Variants in MYO3B observed in about 807,000 individuals in gnomAD.
The protein encoded by MYO3B is myosin-IIIb.
MYO3B carries 156 observed loss-of-function variants against 174.6 expected under a neutral mutation model. The ratio of observed to expected loss-of-function variants is 0.89; its 90% CI spans 0.78 to 1.02. MYO3B has a LOEUF of 1.02. MYO3B is among the 50% of genes least tolerant of loss of function. The pLI, the probability that MYO3B is intolerant of heterozygous loss-of-function variation, is 0.00. For missense variants in MYO3B, 1,632 were observed against 1,639.4 expected (o/e 1.00, Z 0.08); for synonymous variants, 563 against 569.1 (o/e 0.99, Z 0.15).
chr2:170,602,210 T>G, intron 32 of MYO3B: 1 of 1,187,954 alleles, frequency 8.4e-7, no homozygotes, highest in Non-Finnish European at 1.2e-6. Context: ...CTCGGCTTCT[T>G]AGGGTCTCCT....
intron 22 of MYO3B, among the ~76,000 whole-genome samples, chr2:170,440,031 G>A (rs2094787739): frequency 6.6e-6 from 1 of 152,140 alleles, no homozygotes; most frequent in Non-Finnish European, 1.5e-5. Flanking sequence ...TATGATTTTT[G>A]TGTATGGTAT....
chr2:170,474,395 G>A (rs1177684690), intron 25 of MYO3B, among the ~76,000 whole-genome samples: 1 of 151,944 alleles, frequency 6.6e-6, no homozygotes, highest in Non-Finnish European at 1.5e-5. Flanking sequence ...TTGAACCATG[G>A]CCTAATGGAC....
intron 7 of MYO3B, among the ~76,000 whole-genome samples, chr2:170,281,693 C>G (rs1462342093): frequency 6.6e-6 from 1 of 151,988 alleles, no homozygotes; most frequent in Non-Finnish European, 1.5e-5. Flanking sequence ...ATTAGAGAAG[C>G]AAGAACAAGT....
At chr2:170,513,324 A>G (rs541111838) in intron 28 of MYO3B, among the ~76,000 whole-genome samples, 1 of 152,332 alleles carries the variant, frequency 6.6e-6, no homozygotes, top group South Asian at 2.1e-4. Context: ...ATTGGTTTCT[A>G]CTGGAGGTTC....
At chr2:170,505,637 C>T (rs1687578302) in intron 28 of MYO3B, among the ~76,000 whole-genome samples, 1 of 152,238 alleles carries the variant, frequency 6.6e-6, no homozygotes. Context: ...TAAAGACCTA[C>T]ATGTAATATC....
chr2:170,400,143 T>G (rs2094465528), intron 16 of MYO3B, 45 bp from the exon 17 acceptor site: 12 of 1,612,912 alleles, frequency 7.4e-6, no homozygotes, highest in Non-Finnish European at 1.0e-5. Flanking sequence ...TTCATTAGTT[T>G]GACTGGCAAT....
At chr2:170,236,764 T>C (rs1386438376) in intron 7 of MYO3B, among the ~76,000 whole-genome samples, 1 of 152,228 alleles carries the variant, frequency 6.6e-6, no homozygotes, top group Non-Finnish European at 1.5e-5. Context: ...GCTCTAGTTA[T>C]GGAATATGAA....
chr2:170,308,383 C>T (rs1008278731), intron 7 of MYO3B, among the ~76,000 whole-genome samples: 1 of 152,200 alleles, frequency 6.6e-6, no homozygotes, highest in Non-Finnish European at 1.5e-5. Context: ...GCGACACATG[C>T]ATCTCTCTCT....
chr2:170,524,728 GT>G (rs1345190921), intron 30 of MYO3B: 2 of 310,892 alleles, frequency 6.4e-6, no homozygotes, highest in Non-Finnish European at 1.3e-5. Flanking sequence ...CTAGCGATTC[GT>G]CCCCCTCAGG....
intron 29 of MYO3B, among the ~76,000 whole-genome samples, chr2:170,518,190 G>A (rs1247102164): frequency 3.3e-5 from 5 of 152,026 alleles, no homozygotes; most frequent in Non-Finnish European, 4.4e-5. Context: ...ATCAGCACAT[G>A]TTCTTCCCAG....
chr2:170,625,103 G>A (rs1348673159), intron 32 of MYO3B, among the ~76,000 whole-genome samples: 5 of 152,220 alleles, frequency 3.3e-5, no homozygotes, highest in South Asian at 2.1e-4. Flanking sequence ...GGAGGATTTC[G>A]TCTTTTTCCA....
At chr2:170,214,691 T>C in intron 4 of MYO3B, 38 bp from the exon 5 acceptor site, 7 of 1,569,080 alleles carry the variant, frequency 4.5e-6, no homozygotes, top group Non-Finnish European at 6.1e-6. Flanking sequence ...TTCCCCTTTC[T>C]CTTTCCTGTT....
At position 170,219,563 on chromosome 2, in the gene MYO3B, G is replaced by C. The variant is rs375531437; in HGVS notation, c.603+2168G>C. On this transcript the variant is annotated intron_variant, in intron 6 of 34. Coordinates refer to ENST00000408978, the MANE Select transcript of MYO3B (RefSeq NM_138995.5). ...GGAGGTTGAGGCAGGAGAATTGTTT[G>C]AACCCGGGAGGCAGAGGTTGCAGTG... is the stretch of plus-strand genomic sequence containing the variant. Among the ~76,000 whole-genome samples the C allele has an allele frequency of 1.9e-4, 29 of 152,104 alleles. No individual in the cohort carries two copies. The South Asian group carries it at 5.8e-3, about 30-fold the overall frequency.
At chr2:170,557,867 G>T (rs74907822) in intron 32 of MYO3B, among the ~76,000 whole-genome samples, 2,920 of 152,196 alleles carry the variant, frequency 0.019, 73 homozygotes, top group East Asian at 0.088. Context: ...TTTTCCACAC[G>T]GGGAGAAGCT....
intron 22 of MYO3B, among the ~76,000 whole-genome samples, chr2:170,428,241 G>A (rs576312415): frequency 1.3e-5 from 2 of 152,168 alleles, no homozygotes; most frequent in African/African-American, 4.8e-5. Flanking sequence ...AAATATCCAG[G>A]CCTCTGTAAA....
chr2:170,371,010 A>G (rs2094239665), intron 9 of MYO3B, among the ~76,000 whole-genome samples: 1 of 151,594 alleles, frequency 6.6e-6, no homozygotes, highest in South Asian at 2.1e-4. Flanking sequence ...CAAGGTCAGG[A>G]GTTTGAGAAC....
intron 30 of MYO3B, among the ~76,000 whole-genome samples, chr2:170,540,237 T>A (rs1313961624): frequency 6.6e-6 from 1 of 151,668 alleles, no homozygotes; most frequent in Non-Finnish European, 1.5e-5. Context: ...AGCGGGAGGA[T>A]CACTTGAGCC....
intron 7 of MYO3B, among the ~76,000 whole-genome samples, chr2:170,289,879 G>A (rs2093584202): frequency 6.6e-6 from 1 of 152,006 alleles, no homozygotes; most frequent in Non-Finnish European, 1.5e-5. Context: ...GTATCCCATA[G>A]ATTTGGGTAT....
At chr2:170,298,033 C>T (rs114643112) in intron 7 of MYO3B, among the ~76,000 whole-genome samples, 1,690 of 152,204 alleles carry the variant, frequency 0.011, 33 homozygotes, top group African/African-American at 0.038. Flanking sequence ...TTGATGAAGA[C>T]TTATATATGT....
Sources: allele counts gnomAD v4.1 joint callset (sites outside exome capture counted in the v4.1 genomes callset), GRCh38; gene constraint gnomAD v4.1.1; transcripts MANE v1.5; gene names NCBI Gene and HGNC (gene_info 2026-07-23, HGNC 2026-07-21).